ASAP1: variants seen among roughly 807,000 people sequenced by gnomAD.
ASAP1 encodes the protein arf-GAP with SH3 domain, ANK repeat and PH domain-containing protein 1.
In ASAP1, 43 loss-of-function variants were observed where a neutral mutation model predicts 145.2. The observed-to-expected ratio is 0.30, with a 90% CI of 0.23 to 0.38. The LOEUF (loss-of-function observed/expected upper bound fraction) is 0.38, where lower values mean the gene tolerates loss of function less well. Among genes scored for constraint, ASAP1 ranks in the 10% least tolerant of loss-of-function variants. The pLI is 1.00. For synonymous variants in ASAP1, 546 were observed against 515.5 expected (o/e 1.06, Z -0.80); for missense variants, 1,018 against 1,355.3 (o/e 0.75, Z 3.91).
chr8:130,066,166 A>G (rs1455165562), intron 27 of ASAP1, among the ~76,000 whole-genome samples: 2 of 152,206 alleles, frequency 1.3e-5, no homozygotes, highest in African/African-American at 2.4e-5. Context: ...TGCCTTCCCA[A>G]TAAAATCTCC....
chr8:130,255,221 T>C (rs375366798), intron 3 of ASAP1, among the ~76,000 whole-genome samples: 1 of 152,174 alleles, frequency 6.6e-6, no homozygotes, highest in African/African-American at 2.4e-5. Flanking sequence ...CACCTGGTAC[T>C]GGCAAAAAGA....
intron 3 of ASAP1, among the ~76,000 whole-genome samples, chr8:130,292,916 C>G (rs920714656): frequency 2.6e-5 from 4 of 152,186 alleles, no homozygotes; most frequent in Admixed American, 2.0e-4. Context: ...TATATAAAAA[C>G]ATTTTAAAAC....
intron 3 of ASAP1, among the ~76,000 whole-genome samples, chr8:130,306,623 G>A (rs7839155): frequency 0.32 from 49,121 of 152,036 alleles, 9,199 homozygotes; most frequent in East Asian, 0.59. Context: ...TAGGGCACAA[G>A]CGGAACAAAC....
At chr8:130,164,667 C>T (rs1169686781) in intron 11 of ASAP1, among the ~76,000 whole-genome samples, 1 of 152,086 alleles carries the variant, frequency 6.6e-6, no homozygotes, top group African/African-American at 2.4e-5. Context: ...TAAGCTATTA[C>T]AAAAGCTTAA....
At chr8:130,439,458 T>C (rs1440361711) in intron 1 of ASAP1, among the ~76,000 whole-genome samples, 1 of 152,218 alleles carries the variant, frequency 6.6e-6, no homozygotes, top group Non-Finnish European at 1.5e-5. Context: ...AATTTTTATT[T>C]ATATGTCTAT....
At chr8:130,061,498 ATGT>A (rs2097419497) in intron 27 of ASAP1, among the ~76,000 whole-genome samples, 1 of 152,136 alleles carries the variant, frequency 6.6e-6, no homozygotes, top group Admixed American at 6.5e-5. Context: ...AGTATTTGTC[ATGT>A]TATTAAAAAT....
chr8:130,399,665 C>A (rs567162173), intron 2 of ASAP1, among the ~76,000 whole-genome samples: 4 of 152,148 alleles, frequency 2.6e-5, no homozygotes. Context: ...TATTTTCAAC[C>A]TAAAAATTGA....
intron 23 of ASAP1, among the ~76,000 whole-genome samples, chr8:130,113,774 CT>C (rs561023170): frequency 3.0e-3 from 438 of 144,346 alleles, no homozygotes; most frequent in Admixed American, 5.1e-3. Context: ...CCCTTATGTA[CT>C]TTTTTTTTTT....
At chr8:130,237,530 A>C (rs1374725217) in intron 3 of ASAP1, among the ~76,000 whole-genome samples, 1 of 152,076 alleles carries the variant, frequency 6.6e-6, no homozygotes, top group Non-Finnish European at 1.5e-5. Flanking sequence ...GACATATGGC[A>C]GTTGAATTTT....
intron 13 of ASAP1, among the ~76,000 whole-genome samples, chr8:130,146,323 T>C (rs1475370233): frequency 6.6e-6 from 1 of 152,126 alleles, no homozygotes; most frequent in Admixed American, 6.5e-5. Context: ...CCTTAGCATA[T>C]ACCTTCGTAT....
intron 3 of ASAP1, among the ~76,000 whole-genome samples, chr8:130,356,111 C>T (rs1003974883): frequency 1.3e-5 from 2 of 152,164 alleles, no homozygotes; most frequent in Non-Finnish European, 2.9e-5. Context: ...AATTTATTAA[C>T]CTTAAACTAA....
At chr8:130,217,504 G>A (rs1237329608) in intron 4 of ASAP1, among the ~76,000 whole-genome samples, 1 of 142,706 alleles carries the variant, frequency 7.0e-6, no homozygotes, top group Non-Finnish European at 1.5e-5. Context: ...TATATTATAT[G>A]TGTATATATG....
rs183782125 is a variant in ASAP1, at chr8:130,271,608, T to C, written c.187-34614A>G. Among the ~76,000 whole-genome samples the C allele has an allele frequency of 1.3e-3, 195 of 152,326 alleles. 3 individuals carry two copies. The highest frequency in any genetic ancestry group is 4.5e-3 in the African/African-American group (189 of 41,572). Reference sequence around the variant, plus strand: ...CATCTCCCTATTTCTTGGTCTTTTGTTTTTGCATCTTTTAGGAGTATGATA... The same window carrying C: ...CATCTCCCTATTTCTTGGTCTTTTGCTTTTGCATCTTTTAGGAGTATGATA... On this transcript the variant is annotated intron_variant, in intron 3 of 29. Transcript: ENST00000518721.
chr8:130,220,901 CT>C (rs1254293547), intron 4 of ASAP1, among the ~76,000 whole-genome samples: 1 of 152,074 alleles, frequency 6.6e-6, no homozygotes, highest in Non-Finnish European at 1.5e-5. Flanking sequence ...ACCATCAGAT[CT>C]TGTGAGAACT....
intron 3 of ASAP1, among the ~76,000 whole-genome samples, chr8:130,333,057 T>C (rs1401598944): frequency 2.0e-5 from 3 of 152,182 alleles, no homozygotes; most frequent in Non-Finnish European, 4.4e-5. Context: ...AAATTCTGTT[T>C]GGAGGCGAAA....
At chr8:130,312,157 A>C (rs2137552457) in intron 3 of ASAP1, among the ~76,000 whole-genome samples, 1 of 152,072 alleles carries the variant, frequency 6.6e-6, no homozygotes, top group Middle Eastern at 3.4e-3. Flanking sequence ...GTGCTCCTGT[A>C]GTCTCATCTA....
chr8:130,439,995 C>T (rs372969751), intron 1 of ASAP1, among the ~76,000 whole-genome samples: 1 of 152,152 alleles, frequency 6.6e-6, no homozygotes, highest in Non-Finnish European at 1.5e-5. Context: ...AACAACGCCA[C>T]CATACACCCA....
intron 15 of ASAP1, among the ~76,000 whole-genome samples, chr8:130,133,731 C>A (rs1185088836): frequency 6.6e-6 from 1 of 152,110 alleles, no homozygotes; most frequent in East Asian, 1.9e-4. Context: ...TATGTGATAC[C>A]AACCTGTTCC....
chr8:130,187,587 TG>T (rs1814825710), intron 6 of ASAP1, among the ~76,000 whole-genome samples: 1 of 152,092 alleles, frequency 6.6e-6, no homozygotes, highest in African/African-American at 2.4e-5. Flanking sequence ...GGCTAATTCT[TG>T]TACTTCTTCT....
Sources: gnomAD v4.1 joint callset for allele counts (sites outside exome capture counted in the v4.1 genomes callset) on GRCh38, gnomAD v4.1.1 for gene constraint, MANE v1.5 for transcripts, NCBI Gene and HGNC (gene_info 2026-07-23, HGNC 2026-07-21) for gene names.